Variants in PEX14 observed in about 807,000 individuals in gnomAD.
PEX14 encodes the protein peroxisomal membrane protein PEX14.
A neutral mutation model predicts 49.5 loss-of-function variants in PEX14; 15 were observed. The observed-to-expected ratio is 0.30, with a 90% confidence interval of 0.20 to 0.47. PEX14 has a LOEUF of 0.47. PEX14 is among the 20% of genes least tolerant of loss of function. The probability of loss-of-function intolerance (pLI) is 1.00; values close to 1 mark genes in which losing one functional copy is unlikely to be tolerated. For missense variants in PEX14, 398 were observed against 494.8 expected (o/e 0.80, Z 1.86); for synonymous variants, 210 against 212.7 (o/e 0.99, Z 0.11).
intron 2 of PEX14, among the ~76,000 whole-genome samples, chr1:10,497,943 A>C (rs1641598211): frequency 6.6e-6 from 1 of 152,226 alleles, no homozygotes; most frequent in South Asian, 2.1e-4. Flanking sequence ...TCTTTGTCCC[A>C]GACTAGATGA....
chr1:10,541,704 G>A (rs6681221), intron 3 of PEX14, among the ~76,000 whole-genome samples: 23,654 of 152,152 alleles, frequency 0.16, 2,083 homozygotes, highest in South Asian at 0.31. Context: ...CTGGTCCCCC[G>A]CATCAATTTT....
chr1:10,483,236 G>T (rs1366485404), intron 1 of PEX14, among the ~76,000 whole-genome samples: 1 of 152,092 alleles, frequency 6.6e-6, no homozygotes, highest in African/African-American at 2.4e-5. Context: ...GCTCGCTGCA[G>T]TCGTGACCTC....
intron 3 of PEX14, among the ~76,000 whole-genome samples, chr1:10,543,336 A>G (rs955883377): frequency 2.6e-5 from 4 of 151,996 alleles, no homozygotes; most frequent in African/African-American, 9.7e-5. Context: ...GGGTTTTACC[A>G]TCTTGGCCAG....
At position 10,499,661 on chromosome 1, in the gene PEX14, A is replaced by C. The variant is rs369246621; in HGVS notation, c.84+4340A>C. ...ACAGGGTTTCACCATGTTGGCCAGG[A>C]TGGTCTGGATCTCCTGACCTTGTGA... On this transcript the variant is annotated intron_variant, in intron 2 of 8. Coordinates refer to ENST00000356607, the MANE Select transcript of PEX14 (RefSeq NM_004565.3). Among the ~76,000 whole-genome samples the C allele has an allele frequency of 7.4e-4, 112 of 152,082 alleles. 1 individual carries two copies. Among genetic ancestry groups the C allele is most frequent in the East Asian group, 2.1e-3 (11 of 5,166 alleles).
At chr1:10,476,070 C>T (rs1314920098) in intron 1 of PEX14, among the ~76,000 whole-genome samples, 1 of 152,126 alleles carries the variant, frequency 6.6e-6, no homozygotes, top group Non-Finnish European at 1.5e-5. Flanking sequence ...AACTTGGGGC[C>T]TCATTCCTCC....
At chr1:10,600,094 T>C (rs1188919456) in intron 4 of PEX14, among the ~76,000 whole-genome samples, 1 of 152,234 alleles carries the variant, frequency 6.6e-6, no homozygotes, top group East Asian at 1.9e-4. Flanking sequence ...TACAAAGTTA[T>C]GGAAAATAGC....
intron 3 of PEX14, among the ~76,000 whole-genome samples, chr1:10,555,602 ATTTGTT>A (rs1240670421): frequency 6.6e-6 from 1 of 150,610 alleles, no homozygotes; most frequent in Non-Finnish European, 1.5e-5. Context: ...TAGTTAAATA[ATTTGTT>A]TTTGAGGTGT....
intron 3 of PEX14, among the ~76,000 whole-genome samples, chr1:10,573,594 G>A (rs12129678): frequency 0.14 from 21,857 of 152,186 alleles, 1,989 homozygotes; most frequent in South Asian, 0.31. Flanking sequence ...AAAAGGCTGA[G>A]AATAGCAAAT....
In PEX14 at chr1:10,536,335, G is replaced by C. The variant is rs768865413; in HGVS notation, c.169+38G>C. 16 of 1,219,484 alleles carry C rather than the reference G, an allele frequency of 1.3e-5. No homozygotes were observed. In the South Asian group the frequency reaches 1.8e-4, roughly 14 times the overall value. The allele number at this position is 1,219,484 out of a possible 1,614,324, so 75.5% of individuals were successfully genotyped here. A position where few individuals can be genotyped will look rare whatever the true frequency, so the allele number is the denominator to read the frequency against. On this transcript the variant is annotated intron_variant, in intron 3 of 8. Transcript: ENST00000356607. Reference sequence around the variant, plus strand: ...CAGGGCTGTGCAGCACGGCCTACAGGGGGACTGGGGCTGGGGCAGATGGAA... The same window carrying C: ...CAGGGCTGTGCAGCACGGCCTACAGCGGGACTGGGGCTGGGGCAGATGGAA...
At chr1:10,543,267 T>A (rs1192523102) in intron 3 of PEX14, among the ~76,000 whole-genome samples, 1 of 152,202 alleles carries the variant, frequency 6.6e-6, no homozygotes, top group Non-Finnish European at 1.5e-5. Context: ...CCCGAGTAAC[T>A]GGGATTACAG....
intron 4 of PEX14, among the ~76,000 whole-genome samples, chr1:10,602,824 G>A (rs552644577): frequency 6.6e-6 from 1 of 152,162 alleles, no homozygotes; most frequent in Non-Finnish European, 1.5e-5. Context: ...TGTCTGCGTC[G>A]GGAGGGATTT....
chr1:10,520,803 A>G (rs996147782), intron 2 of PEX14, among the ~76,000 whole-genome samples: 1 of 152,210 alleles, frequency 6.6e-6, no homozygotes, highest in African/African-American at 2.4e-5. Context: ...CCTTTATTAT[A>G]TCAGAGGTAC....
chr1:10,497,660 C>G (rs1183944942), intron 2 of PEX14, among the ~76,000 whole-genome samples: 1 of 152,140 alleles, frequency 6.6e-6, no homozygotes, highest in East Asian at 1.9e-4. Context: ...AAGAGAGCCC[C>G]AAGTTATTCA....
chr1:10,606,980 C>T (rs1641144683), intron 4 of PEX14, among the ~76,000 whole-genome samples: 1 of 152,202 alleles, frequency 6.6e-6, no homozygotes, highest in South Asian at 2.1e-4. Flanking sequence ...CAGAACATTT[C>T]CAATACCCTG....
At chr1:10,599,607 G>A (rs1640927131) in intron 4 of PEX14, among the ~76,000 whole-genome samples, 1 of 152,332 alleles carries the variant, frequency 6.6e-6, no homozygotes, top group African/African-American at 2.4e-5. Flanking sequence ...TGTTGTTTCA[G>A]GTATTTTGGT....
intron 3 of PEX14, among the ~76,000 whole-genome samples, chr1:10,577,524 C>CTATATATATATATA (rs1557854620): frequency 6.8e-5 from 3 of 44,346 alleles, no homozygotes; most frequent in African/African-American, 2.5e-4. Flanking sequence ...ATTTTGGACA[C>CTATATATATATATA]TATACATATA....
intron 3 of PEX14, among the ~76,000 whole-genome samples, chr1:10,592,821 G>A (rs1640708655): frequency 6.6e-6 from 1 of 152,194 alleles, no homozygotes; most frequent in African/African-American, 2.4e-5. Context: ...ACTCACATTC[G>A]ATTCACTGTT....
In PEX14 at chr1:10,587,895, CTTTTTT is replaced by C. The variant is rs762006360; in HGVS notation, c.170-11323_170-11318del. ...ACACACATATGTATACACACATGTGCTTTTTTTTTTTTTTTTTTTTTTTTTAAAAAA... is the reference window on the plus strand; with the variant it reads ...ACACACATATGTATACACACATGTGCTTTTTTTTTTTTTTTTTTTAAAAAA... On this transcript the variant is annotated intron_variant, in intron 3 of 8. Coordinates refer to ENST00000356607, the MANE Select transcript of PEX14 (RefSeq NM_004565.3). Among the ~76,000 whole-genome samples, 271 of 54,392 alleles carry C rather than the reference CTTTTTT, an allele frequency of 5.0e-3. 2 individuals are homozygous for C. The highest frequency in any genetic ancestry group is 0.016 in the African/African-American group (235 of 14,484). The allele number at this position is 54,392 out of a possible 152,430, so 35.7% of individuals were successfully genotyped here. A position where few individuals can be genotyped will look rare whatever the true frequency, so the allele number is the denominator to read the frequency against.
intron 4 of PEX14, among the ~76,000 whole-genome samples, chr1:10,614,450 G>T (rs866461947): frequency 6.6e-6 from 1 of 152,096 alleles, no homozygotes; most frequent in Non-Finnish European, 1.5e-5. Context: ...GTTTCTTGGG[G>T]CTGGAATAGC....
Sources: allele counts gnomAD v4.1 joint callset (sites outside exome capture counted in the v4.1 genomes callset), GRCh38; gene constraint gnomAD v4.1.1; transcripts MANE v1.5; gene names NCBI Gene and HGNC (gene_info 2026-07-23, HGNC 2026-07-21).